Variants in RGS9 observed in about 807,000 individuals in gnomAD.
RGS9 encodes the protein regulator of G-protein signalling 9.
In RGS9, 78 loss-of-function variants were observed where a neutral mutation model predicts 102.0. The observed-to-expected ratio is 0.76, with a 90% CI of 0.64 to 0.92. The LOEUF (loss-of-function observed/expected upper bound fraction) is 0.92, where lower values mean the gene tolerates loss of function less well. RGS9 is among the 40% of genes least tolerant of loss of function. The pLI is 0.00. For missense variants in RGS9, 833 were observed against 866.1 expected, an observed-to-expected ratio of 0.96 and a Z score of 0.48; for synonymous variants, 353 against 318.6, an observed-to-expected ratio of 1.11 and a Z score of -1.15.
chr17:65,153,580 C>T lies in RGS9; in HGVS notation c.154+62C>T, dbSNP rs1383972911. 2.3e-6 allele frequency: 3 copies of T among 1,326,188 alleles called. No individual in the cohort carries two copies. The African/African-American group carries it at 4.3e-5, about 19-fold the overall frequency. 82.2% of individuals were successfully genotyped at this position (1,326,188 alleles called of 1,614,324 possible). On this transcript the variant is annotated intron_variant, in intron 2 of 18. Transcript: ENST00000262406. ...GACCCCACAGGCCCAATACGGCCCA[C>T]CTCCTGTGTTTGTAAAAAACTTTAT...
rs562374045 is a variant in RGS9 at position 65,199,773 on chromosome 17, C to T, written c.977-2220C>T. The stretch of plus-strand genomic sequence containing the variant: ...CCTCCCAAAGTGCTGGGATTACAGG[C>T]GTGAGCCACTGCGCCTGGCCACGTG... On this transcript the variant is annotated intron_variant, in intron 13 of 18. Transcript: ENST00000262406. 1.9e-3 allele frequency among the ~76,000 whole-genome samples: 292 copies of T among 152,240 alleles called. 1 individual carries two copies. The highest frequency in any genetic ancestry group is 2.4e-3 in the Non-Finnish European group (165 of 68,006).
intron 14 of RGS9, among the ~76,000 whole-genome samples, chr17:65,203,307 C>T (rs946525306): frequency 6.6e-6 from 1 of 152,046 alleles, no homozygotes; most frequent in Non-Finnish European, 1.5e-5. Flanking sequence ...GGAGGGCTGT[C>T]GGTCCGGGAA....
chr17:65,144,171 G>C (rs2143953057), intron 1 of RGS9, among the ~76,000 whole-genome samples: 1 of 152,270 alleles, frequency 6.6e-6, no homozygotes, highest in East Asian at 1.9e-4. Flanking sequence ...ATTAGCAGGA[G>C]TACATCCTCC....
chr17:65,203,169 AAAGCTT>A (rs1912921643), intron 14 of RGS9, among the ~76,000 whole-genome samples: 1 of 152,162 alleles, frequency 6.6e-6, no homozygotes, highest in African/African-American at 2.4e-5. Context: ...ATTGAAGAGA[AAAGCTT>A]GAGGTCTCAC....
At chr17:65,140,599 T>A (rs525978) in intron 1 of RGS9, among the ~76,000 whole-genome samples, 130,369 of 152,270 alleles carry the variant, frequency 0.86, 58,660 homozygotes, top group Non-Finnish European at 0.99. Context: ...GGTGGGCCAG[T>A]TGCAGTGGCT....
At chr17:65,161,440 T>C (rs1178315728) in intron 6 of RGS9, among the ~76,000 whole-genome samples, 1 of 151,982 alleles carries the variant, frequency 6.6e-6, no homozygotes, top group Non-Finnish European at 1.5e-5. Flanking sequence ...TTAATAGAGA[T>C]GAGGTTTCAC....
Position 65,227,259 on chromosome 17 carries a change from C to T in RGS9, c.1893-16C>T, listed in dbSNP as rs1476164199. 1.2e-6 allele frequency: 2 copies of T among 1,614,088 alleles called. No individual in the cohort carries two copies. The highest frequency in any genetic ancestry group is 2.2e-5 in the South Asian group (2 of 91,072). ...CCCCTGCCCCTACATTACTGGCTTT[C>T]CTCTTGCACCTGAAGCTTTTTCCAG... On this transcript the variant is annotated splice_polypyrimidine_tract_variant and intron_variant, in intron 18 of 18. Coordinates refer to ENST00000262406, the MANE Select transcript of RGS9 (RefSeq NM_003835.4).
chr17:65,163,738 G>T (rs2144002742), intron 7 of RGS9, among the ~76,000 whole-genome samples: 1 of 152,268 alleles, frequency 6.6e-6, no homozygotes, highest in Middle Eastern at 3.4e-3. Flanking sequence ...GAGGAGAGGT[G>T]TGGTGAGAGG....
At chr17:65,147,613 C>G (rs1160693698) in intron 1 of RGS9, among the ~76,000 whole-genome samples, 1 of 82,706 alleles carries the variant, frequency 1.2e-5, no homozygotes, top group Non-Finnish European at 1.9e-5. Context: ...TTTTTTGAGA[C>G]AGAGTCTCAC....
chr17:65,150,726 T>A (rs1910546386), intron 1 of RGS9, among the ~76,000 whole-genome samples: 1 of 152,260 alleles, frequency 6.6e-6, no homozygotes, highest in Non-Finnish European at 1.5e-5. Flanking sequence ...TGTCATTGCA[T>A]GTTCTGCATT....
In RGS9 at chr17:65,176,884, G is replaced by GTCCATCCA. The variant is rs113366621; in HGVS notation, c.583-825_583-818dup. Among the ~76,000 whole-genome samples, 414 of 147,506 alleles carry GTCCATCCA rather than the reference G, an allele frequency of 2.8e-3. 3 individuals are homozygous for GTCCATCCA. Among genetic ancestry groups the GTCCATCCA allele is most frequent in the African/African-American group, 9.6e-3 (380 of 39,560 alleles). On this transcript the variant is annotated intron_variant, in intron 8 of 18. Coordinates refer to ENST00000262406, the MANE Select transcript of RGS9 (RefSeq NM_003835.4). Reference sequence around the variant, plus strand: ...ATGGTGCTGAGTTTGCCATTCATCTGTCCATCCATCCATCCATCCATCCAT... The same window carrying GTCCATCCA: ...ATGGTGCTGAGTTTGCCATTCATCTGTCCATCCATCCATCCATCCATCCATCCATCCAT...
chr17:65,181,206 C>A (rs993671157), intron 9 of RGS9, among the ~76,000 whole-genome samples: 1 of 152,176 alleles, frequency 6.6e-6, no homozygotes, highest in Non-Finnish European at 1.5e-5. Context: ...ATTTTAAGTT[C>A]TTTGAGAAAT....
intron 11 of RGS9, 55 bp downstream of exon 11, chr17:65,190,291 G>A (rs1247217527): frequency 7.2e-7 from 1 of 1,392,442 alleles, no homozygotes; most frequent in African/African-American, 1.4e-5. Flanking sequence ...TAGACAAGAG[G>A]AGAACTTCTG....
intron 8 of RGS9, among the ~76,000 whole-genome samples, chr17:65,176,092 T>A (rs1272372828): frequency 6.6e-6 from 1 of 152,210 alleles, no homozygotes; most frequent in East Asian, 1.9e-4. Context: ...GTAGCCAACC[T>A]GGTTGGTCAC....
chr17:65,146,468 G>A (rs1227066990), intron 1 of RGS9, among the ~76,000 whole-genome samples: 2 of 151,692 alleles, frequency 1.3e-5, no homozygotes, highest in Non-Finnish European at 2.9e-5. Context: ...TGCGCCTGTA[G>A]TCCCAGCTAC....
At chr17:65,137,663 G>A in intron 1 of RGS9, 66 bp downstream of exon 1, 3 of 1,518,018 alleles carry the variant, frequency 2.0e-6, no homozygotes, top group South Asian at 1.1e-5. Context: ...AAGCGTCCGA[G>A]GACAAGAGGG....
chr17:65,227,481 G>A lies in RGS9; in HGVS notation c.*74G>A. 6.4e-7 allele frequency: 1 copy of A among 1,551,498 alleles called. No homozygotes were observed. On this transcript the variant is annotated 3_prime_UTR_variant, in exon 19 of 19. Transcript: ENST00000262406. Reference sequence around the variant, plus strand: ...ACAGATGCCATGGTATGGGCCACAGGACACACTTGCTCGAGAACCAAAGTG... The same window carrying A: ...ACAGATGCCATGGTATGGGCCACAGAACACACTTGCTCGAGAACCAAAGTG...
At chr17:65,139,183 C>T (rs903163546) in intron 1 of RGS9, among the ~76,000 whole-genome samples, 2 of 80,898 alleles carry the variant, frequency 2.5e-5, no homozygotes, top group African/African-American at 7.7e-5. Flanking sequence ...ACCCCATCCT[C>T]CTCCTCCTCC....
intron 9 of RGS9, among the ~76,000 whole-genome samples, chr17:65,179,542 A>G (rs1911772260): frequency 6.7e-6 from 1 of 150,184 alleles, no homozygotes; most frequent in Non-Finnish European, 1.5e-5. Flanking sequence ...GAGGAGAGAG[A>G]GGGTGGAGGC....
Sources: allele counts gnomAD v4.1 joint callset (sites outside exome capture counted in the v4.1 genomes callset), GRCh38; gene constraint gnomAD v4.1.1; transcripts MANE v1.5; gene names NCBI Gene and HGNC (gene_info 2026-07-23, HGNC 2026-07-21).